Variants in GALNT17 observed in about 807,000 individuals in gnomAD.
The protein encoded by GALNT17 is UDP-GalNAc:polypeptide N-acetylgalactosaminyltransferase-like 3.
A neutral mutation model predicts 63.7 loss-of-function variants in GALNT17; 29 were observed. The observed-to-expected ratio is 0.46, with a 90% CI of 0.34 to 0.62. GALNT17 has a LOEUF of 0.62. Ranked by LOEUF, GALNT17 falls within the 20% of genes least tolerant of loss-of-function variation. The pLI is 0.01. For missense variants in GALNT17, 603 were observed against 799.6 expected, an observed-to-expected ratio of 0.75 and a Z score of 2.97; for synonymous variants, 305 against 318.3, an observed-to-expected ratio of 0.96 and a Z score of 0.45.
At chr7:71,515,527 G>T (rs1029229818) in intron 5 of GALNT17, among the ~76,000 whole-genome samples, 1 of 152,088 alleles carries the variant, frequency 6.6e-6, no homozygotes, top group Non-Finnish European at 1.5e-5. Flanking sequence ...TTCGAGGTTG[G>T]GCTTCTAAGG....
Position 71,368,892 on chromosome 7 carries a change from G to A in GALNT17, c.423-19343G>A, listed in dbSNP as rs770701513. Among the ~76,000 whole-genome samples, 18 of 138,326 alleles carry A rather than the reference G, an allele frequency of 1.3e-4. No individual in the cohort carries two copies. The East Asian group carries it at 3.2e-3, about 25-fold the overall frequency. 90.7% of individuals were successfully genotyped at this position (138,326 alleles called of 152,430 possible). The stretch of plus-strand genomic sequence containing the variant: ...CTCCATCAGTGATAAGCATTGAGGC[G>A]TATCTATACTGCCCAGTTTCCTCGG... On this transcript the variant is annotated intron_variant, in intron 2 of 10. Coordinates refer to ENST00000333538, the MANE Select transcript of GALNT17 (RefSeq NM_022479.3).
chr7:71,548,650 C>T (rs933286218), intron 5 of GALNT17, among the ~76,000 whole-genome samples: 2 of 152,214 alleles, frequency 1.3e-5, no homozygotes, highest in South Asian at 2.1e-4. Flanking sequence ...CCTTCTGCCA[C>T]GATCGTGAGG....
At chr7:71,305,911 A>T (rs1284462295) in intron 1 of GALNT17, among the ~76,000 whole-genome samples, 1 of 152,152 alleles carries the variant, frequency 6.6e-6, no homozygotes, top group African/African-American at 2.4e-5. Flanking sequence ...GAGTGTCCTG[A>T]TTTACAATTA....
intron 5 of GALNT17, among the ~76,000 whole-genome samples, chr7:71,523,127 A>T (rs1419326208): frequency 6.6e-6 from 1 of 152,194 alleles, no homozygotes; most frequent in Non-Finnish European, 1.5e-5. Context: ...AAAAGCCATT[A>T]AATTTTACAT....
intron 2 of GALNT17, among the ~76,000 whole-genome samples, chr7:71,347,898 A>C (rs1234555991): frequency 6.6e-6 from 1 of 152,154 alleles, no homozygotes; most frequent in Non-Finnish European, 1.5e-5. Flanking sequence ...AAGAAAAAAA[A>C]AGTATAATGT....
At chr7:71,139,715 G>T (rs1239771320) in intron 1 of GALNT17, among the ~76,000 whole-genome samples, 1 of 152,070 alleles carries the variant, frequency 6.6e-6, no homozygotes, top group Non-Finnish European at 1.5e-5. Flanking sequence ...AATGGTGGCC[G>T]GGCACGGTGG....
chr7:71,579,949 GGATA>G (rs898032816), intron 6 of GALNT17, among the ~76,000 whole-genome samples: 8 of 152,068 alleles, frequency 5.3e-5, no homozygotes, highest in South Asian at 2.1e-4. Flanking sequence ...ATGGATGGAT[GGATA>G]GATAGAGGGA....
chr7:71,290,078 C>A (rs888138106), intron 1 of GALNT17, among the ~76,000 whole-genome samples: 1 of 152,192 alleles, frequency 6.6e-6, no homozygotes, highest in East Asian at 1.9e-4. Flanking sequence ...TCAGGTTCAT[C>A]ATTTTAACCA....
In GALNT17 at chr7:71,309,979, G is replaced by A. The variant is rs184408367; in HGVS notation, c.239-25571G>A. 3.2e-4 allele frequency among the ~76,000 whole-genome samples: 49 copies of A among 152,176 alleles called. 1 individual carries two copies. The highest frequency in any genetic ancestry group is 2.1e-4 in the South Asian group (1 of 4,806). On this transcript the variant is annotated intron_variant, in intron 1 of 10. Coordinates refer to ENST00000333538, the MANE Select transcript of GALNT17 (RefSeq NM_022479.3). ...GGCAGGCCTTTCCCATGCTGTTCTC[G>A]TGATAGCGAATAAGTCTCACAAGAT...
chr7:71,649,732 G>C (rs1007128867), intron 6 of GALNT17, among the ~76,000 whole-genome samples: 17 of 152,184 alleles, frequency 1.1e-4, no homozygotes, highest in African/African-American at 4.1e-4. Flanking sequence ...TAGTCAGTGT[G>C]CTACGTGACC....
intron 5 of GALNT17, among the ~76,000 whole-genome samples, chr7:71,556,407 A>C (rs2116843163): frequency 6.6e-6 from 1 of 152,302 alleles, no homozygotes; most frequent in African/African-American, 2.4e-5. Flanking sequence ...TCTTATTAAA[A>C]ATCTTTTAGA....
At chr7:71,546,914 C>G (rs900247314) in intron 5 of GALNT17, among the ~76,000 whole-genome samples, 12 of 152,138 alleles carry the variant, frequency 7.9e-5, no homozygotes. Context: ...CACTTTCCTG[C>G]CTTGAAACAA....
In GALNT17 at chr7:71,356,957, T is replaced by C. The variant is rs539816555; in HGVS notation, c.422+21224T>C. ...CCACCATGCCTGGCTAATTTTTGTA[T>C]TTTTAGTAGAGACAGGGTTTCACCA... On this transcript the variant is annotated intron_variant, in intron 2 of 10. Transcript: ENST00000333538. Among the ~76,000 whole-genome samples, 48 of 151,986 alleles carry C rather than the reference T, an allele frequency of 3.2e-4. 1 individual carries two copies. Among genetic ancestry groups the C allele is most frequent in the Non-Finnish European group, 5.4e-4 (37 of 67,982 alleles).
intron 5 of GALNT17, among the ~76,000 whole-genome samples, chr7:71,453,906 G>C (rs1467186809): frequency 1.3e-5 from 2 of 152,054 alleles, no homozygotes; most frequent in Non-Finnish European, 2.9e-5. Context: ...TGGCATTCCA[G>C]CTCCCAAATG....
At chr7:71,334,306 A>G (rs1791859331) in intron 1 of GALNT17, among the ~76,000 whole-genome samples, 1 of 152,166 alleles carries the variant, frequency 6.6e-6, no homozygotes, top group Non-Finnish European at 1.5e-5. Context: ...TGACTTGCTT[A>G]GGGGATGTCT....
chr7:71,591,980 T>G (rs933153077), intron 6 of GALNT17, among the ~76,000 whole-genome samples: 4 of 152,220 alleles, frequency 2.6e-5, no homozygotes, highest in African/African-American at 9.6e-5. Flanking sequence ...CATTGTTTTA[T>G]TTCCTCTTCT....
chr7:71,149,318 A>G (rs1267197920), intron 1 of GALNT17, among the ~76,000 whole-genome samples: 4 of 152,176 alleles, frequency 2.6e-5, no homozygotes, highest in South Asian at 2.1e-4. Flanking sequence ...TCTGTTTTAC[A>G]TGTGAGGAAG....
At chr7:71,606,369 A>G (rs1790048746) in intron 6 of GALNT17, among the ~76,000 whole-genome samples, 1 of 152,176 alleles carries the variant, frequency 6.6e-6, no homozygotes, top group Non-Finnish European at 1.5e-5. Context: ...GCATGCTTAG[A>G]TGAACAGCGC....
At chr7:71,306,818 C>CTGTTT (rs61408096) in intron 1 of GALNT17, among the ~76,000 whole-genome samples, 138,019 of 150,958 alleles carry the variant, frequency 0.91, 63,189 homozygotes, top group East Asian at 1. Context: ...GTTTTCATTT[C>CTGTTT]TGTTTTGTTT....
Sources: gnomAD v4.1 joint callset for allele counts (sites outside exome capture counted in the v4.1 genomes callset) on GRCh38, gnomAD v4.1.1 for gene constraint, MANE v1.5 for transcripts, NCBI Gene and HGNC (gene_info 2026-07-23, HGNC 2026-07-21) for gene names.